NCALD: variants seen among roughly 807,000 people sequenced by gnomAD.
The protein encoded by NCALD is neurocalcin delta, also known as neurocalcin-delta.
Under a neutral mutation model 18.6 loss-of-function variants are expected in NCALD, and 10 were observed. The observed-to-expected ratio is 0.54, with a 90% confidence interval of 0.33 to 0.91. The LOEUF is 0.91. Ranked by LOEUF, NCALD falls within the 40% of genes least tolerant of loss-of-function variation. The pLI is 0.03. For synonymous variants in NCALD, 88 were observed against 87.4 expected, an observed-to-expected ratio of 1.01 and a Z score of -0.04; for missense variants, 184 against 247.6, an observed-to-expected ratio of 0.74 and a Z score of 1.72.
chr8:101,942,074 G>A (rs1023327724), intron 2 of NCALD, among the ~76,000 whole-genome samples: 4 of 152,158 alleles, frequency 2.6e-5, no homozygotes, highest in Non-Finnish European at 5.9e-5. Context: ...TTTATTTAAA[G>A]TGAAGTGAAA....
At chr8:101,976,230 C>T (rs1820418770) in intron 2 of NCALD, among the ~76,000 whole-genome samples, 1 of 152,224 alleles carries the variant, frequency 6.6e-6, no homozygotes, top group Non-Finnish European at 1.5e-5. Context: ...ACCCTGCCCT[C>T]ACTTTCACAA....
intron 2 of NCALD, among the ~76,000 whole-genome samples, chr8:101,968,450 C>A (rs1341167052): frequency 1.3e-5 from 2 of 152,122 alleles, no homozygotes; most frequent in Non-Finnish European, 2.9e-5. Context: ...TCATCTAGGA[C>A]TAAGCCGTGG....
chr8:102,092,023 G>T (rs1293347311), intron 1 of NCALD, among the ~76,000 whole-genome samples: 1 of 152,210 alleles, frequency 6.6e-6, no homozygotes, highest in Non-Finnish European at 1.5e-5. Flanking sequence ...GTACTGGGCT[G>T]CAATCCCAGA....
intron 4 of NCALD, among the ~76,000 whole-genome samples, chr8:101,807,566 G>C: frequency 6.6e-6 from 1 of 152,064 alleles, no homozygotes; most frequent in East Asian, 1.9e-4. Context: ...TATTAATAGG[G>C]TTATCTGGTT....
At chr8:101,926,582 C>T (rs1445454496) in intron 2 of NCALD, among the ~76,000 whole-genome samples, 2 of 152,164 alleles carry the variant, frequency 1.3e-5, no homozygotes, top group Non-Finnish European at 2.9e-5. Flanking sequence ...TTTAACTTAA[C>T]TTAAATAAGT....
At chr8:101,827,398 A>G (rs1016025353) in intron 4 of NCALD, among the ~76,000 whole-genome samples, 2 of 152,230 alleles carry the variant, frequency 1.3e-5, no homozygotes, top group African/African-American at 4.8e-5. Flanking sequence ...AAGGATGAGG[A>G]TCTGACATCT....
At chr8:101,928,439 T>C (rs2131686242) in intron 2 of NCALD, among the ~76,000 whole-genome samples, 1 of 152,264 alleles carries the variant, frequency 6.6e-6, no homozygotes, top group South Asian at 2.1e-4. Flanking sequence ...CTTTAAAACA[T>C]ACACCTCTTT....
At position 101,802,165 on chromosome 8, in the gene NCALD, GATCAGTA is replaced by G. The variant is rs570127623; in HGVS notation, c.-19-82524_-19-82518del. Among the ~76,000 whole-genome samples, 951 of 152,160 alleles carry G rather than the reference GATCAGTA, an allele frequency of 6.3e-3. 7 individuals carry two copies. The highest frequency in any genetic ancestry group is 9.7e-3 in the Admixed American group (148 of 15,298). ...TTAAACATTTTTCATCTGTTATGGT[GATCAGTA>G]ATCAGTAATCAGTAATCTTTGACGT... is the stretch of plus-strand genomic sequence containing the variant. On this transcript the variant is annotated intron_variant, in intron 4 of 6. Coordinates refer to the NCALD transcript ENST00000311028.
At chr8:102,065,596 C>T (rs904429153) in intron 1 of NCALD, among the ~76,000 whole-genome samples, 7 of 152,162 alleles carry the variant, frequency 4.6e-5, no homozygotes, top group African/African-American at 1.7e-4. Flanking sequence ...CTCCATCCAA[C>T]GTCATCCCAA....
chr8:102,083,493 G>A (rs994668006), intron 1 of NCALD, among the ~76,000 whole-genome samples: 2 of 152,110 alleles, frequency 1.3e-5, no homozygotes, highest in African/African-American at 4.8e-5. Context: ...TCCAACACAA[G>A]GCTAAAGGGT....
At chr8:101,755,836 T>C (rs140346728) in intron 1 of NCALD, among the ~76,000 whole-genome samples, 2 of 152,326 alleles carry the variant, frequency 1.3e-5, no homozygotes, top group East Asian at 1.9e-4. Flanking sequence ...TATGTATGCA[T>C]TGTGAATGTG....
At chr8:101,795,502 C>G (rs1812605958), upstream of NCALD, among the ~76,000 whole-genome samples, 1 of 152,150 alleles carries the variant, frequency 6.6e-6, no homozygotes, top group South Asian at 2.1e-4. Context: ...CATGGTAGGA[C>G]AGGCACACAG....
At chr8:101,839,282 A>AAC (rs773571455) in intron 4 of NCALD, among the ~76,000 whole-genome samples, 9 of 152,214 alleles carry the variant, frequency 5.9e-5, no homozygotes, top group Non-Finnish European at 7.4e-5. Context: ...ACCAAAAAGT[A>AAC]ACAGAAGAGG....
chr8:101,969,957 A>G (rs1439964240), intron 2 of NCALD, among the ~76,000 whole-genome samples: 1 of 152,236 alleles, frequency 6.6e-6, no homozygotes, highest in Non-Finnish European at 1.5e-5. Flanking sequence ...GTGTTTACAG[A>G]TAATAGAGCA....
At chr8:102,100,886 C>A (rs768741798) in intron 1 of NCALD, among the ~76,000 whole-genome samples, 2 of 148,522 alleles carry the variant, frequency 1.3e-5, no homozygotes, top group African/African-American at 5.0e-5. Flanking sequence ...TCGTCAGGGG[C>A]TGTGGGGAGG....
chr8:101,789,018 C>T (rs1812348088), intron 1 of NCALD: 1 of 152,092 alleles, frequency 6.6e-6, no homozygotes, highest in African/African-American at 2.4e-5. Context: ...TTTCATACCG[C>T]TGAAATATAG....
In NCALD at chr8:101,891,517, G is replaced by T. The variant is rs181909238; in HGVS notation, c.-106-4290C>A. The stretch of plus-strand genomic sequence containing the variant: ...CAGTTTGCAGGGGAGGAGCCAAGAT[G>T]GCCAAATAGGAACAGCTCCGGTCTA... On this transcript the variant is annotated intron_variant, in intron 3 of 6. Coordinates refer to the NCALD transcript ENST00000311028. 1.7e-3 allele frequency among the ~76,000 whole-genome samples: 263 copies of T among 152,336 alleles called. 1 individual carries two copies. The highest frequency in any genetic ancestry group is 6.0e-3 in the African/African-American group (250 of 41,572).
chr8:102,029,530 C>T (rs1195797581), intron 1 of NCALD, among the ~76,000 whole-genome samples: 1 of 152,202 alleles, frequency 6.6e-6, no homozygotes, highest in African/African-American at 2.4e-5. Flanking sequence ...TTCAAAATCG[C>T]CTTTATTCTT....
intron 1 of NCALD, among the ~76,000 whole-genome samples, chr8:102,089,324 G>T (rs1824847373): frequency 1.3e-5 from 2 of 152,018 alleles, no homozygotes; most frequent in African/African-American, 4.8e-5. Context: ...AACCCGGGAG[G>T]CGGAGCTTGC....
Sources: gnomAD v4.1 joint callset for allele counts (sites outside exome capture counted in the v4.1 genomes callset) on GRCh38, gnomAD v4.1.1 for gene constraint, MANE v1.5 for transcripts, NCBI Gene and HGNC (gene_info 2026-07-23, HGNC 2026-07-21) for gene names.